The following SP6 variants were observed in gnomAD, a reference collection of about 807,000 sequenced individuals.
The protein encoded by SP6 is Sp6 transcription factor.
Under a neutral mutation model 23.4 loss-of-function variants are expected in SP6, and 10 were observed. That is an observed-to-expected ratio of 0.43 (90% CI 0.26 to 0.72). The LOEUF (loss-of-function observed/expected upper bound fraction) is 0.72. Among genes scored for constraint, SP6 ranks in the 30% least tolerant of loss-of-function variants. The probability of loss-of-function intolerance (pLI) is 0.23; values close to 1 mark genes in which losing one functional copy is unlikely to be tolerated. For missense variants in SP6, 482 were observed against 523.8 expected, an observed-to-expected ratio of 0.92 and a Z score of 0.78; for synonymous variants, 238 against 238.7, an observed-to-expected ratio of 1.00 and a Z score of 0.03.
chr17:47,865,035 G>A, the SP6 span: 2 of 152,290 alleles, frequency 1.3e-5, no homozygotes, highest in South Asian at 2.1e-4. Flanking sequence ...AGGGGAGAGG[G>A]AGAGAGGGGG....
At position 47,847,048 on chromosome 17, in the gene SP6, A is replaced by C; in HGVS notation, c.*251T>G. On this transcript the variant is annotated 3_prime_UTR_variant, in exon 2 of 2. Coordinates refer to ENST00000536300, the MANE Select transcript of SP6 (RefSeq NM_001258248.2). The stretch of plus-strand genomic sequence containing the variant: ...CAACCCCCCAGCCCAGGGGCGAGGG[A>C]AACTGTGAGGCAGGGGAGAACAGAG... 6.0e-6 allele frequency: 3 copies of C among 499,420 alleles called. No individual in the cohort carries two copies. Among genetic ancestry groups the C allele is most frequent in the Admixed American group, 3.7e-5 (1 of 26,866 alleles). 30.9% of individuals were successfully genotyped at this position (499,420 alleles called of 1,614,324 possible).
rs866649610 is a variant in SP6, at chr17:47,848,102, G to T, written c.328C>A (p.Pro110Thr). 2 of 1,613,610 alleles carry T rather than the reference G, an allele frequency of 1.2e-6. No individual in the cohort carries two copies. The highest frequency in any genetic ancestry group is 1.7e-6 in the Non-Finnish European group (2 of 1,179,980). The change falls in exon 2 of 2, where the codon CCG becomes ACG. Residue 110 changes from proline (P) to threonine (T), a missense_variant. By Grantham distance (38) the Pro-to-Thr change is conservative (BLOSUM62 -1). This residue lies in a region of SP6 where 330 missense variants were observed against 332.3 expected (regional missense o/e 0.99). Transcript: ENST00000536300. This position sits in a 1 kb window ranked among gnomAD's most constrained non-coding sequence, Gnocchi z 5.3. ...CCATCCTCCGCGCCTGGGTGAGTCG[G>T]CCTGAACCACGATTCATAATGGTGT... The part of the protein sequence containing the change: ...MSHHYESWFR[P>T]THPGAEDGSW...
the SP6 span, among the ~76,000 whole-genome samples, chr17:47,875,495 G>C: frequency 6.6e-6 from 1 of 152,142 alleles, no homozygotes; most frequent in Non-Finnish European, 1.5e-5. Flanking sequence ...CTTCACCTCA[G>C]GGAGACTCCC....
upstream of SP6, among the ~76,000 whole-genome samples, chr17:47,853,429 G>A (rs970075254): frequency 6.6e-6 from 1 of 152,190 alleles, no homozygotes; most frequent in Non-Finnish European, 1.5e-5. Flanking sequence ...CCCAGTGGGG[G>A]ACTCTGGTTC....
chr17:47,861,357 T>C, the SP6 span, among the ~76,000 whole-genome samples: 1 of 152,176 alleles, frequency 6.6e-6, no homozygotes, highest in Non-Finnish European at 1.5e-5. Flanking sequence ...ACACATTCAC[T>C]TGGTTCCAAG....
At position 47,847,274 on chromosome 17, in the gene SP6, C is replaced by T. The variant is rs1403858083; in HGVS notation, c.*25G>A. 3.4e-6 allele frequency: 5 copies of T among 1,485,042 alleles called. No homozygotes were observed. Among genetic ancestry groups the T allele is most frequent in the Non-Finnish European group, 9.0e-7 (1 of 1,115,548 alleles). The allele number at this position is 1,485,042 out of a possible 1,614,324, so 92.0% of individuals were successfully genotyped here. ...TCGCATCCAGTGCCCCCCGGGATAC[C>T]CGCAGGGAGGCGGCACTGAGGAGCT... On this transcript the variant is annotated 3_prime_UTR_variant, in exon 2 of 2. Transcript: ENST00000536300.
chr17:47,847,888 T>G lies in SP6; in HGVS notation c.542A>C (p.His181Pro). 1 of 1,557,000 alleles carries G rather than the reference T, an allele frequency of 6.4e-7. No individual in the cohort carries two copies. The highest frequency in any genetic ancestry group is 8.7e-7 in the Non-Finnish European group (1 of 1,151,260). The part of the protein sequence containing the change: ...HHLLPAAGGQ[H>P]LLGPPDGAKA... ...AGCCCCGTCGGGCGGCCCTAGGAGA[T>G]GCTGCCCTCCGGCAGCTGGAAGGAG... The change falls in exon 2 of 2, where the codon CAT becomes CCT. Residue 181 changes from histidine (H) to proline (P), a missense_variant. Transcript: ENST00000536300.
At chr17:47,854,821 C>T (rs527342648), upstream of SP6, among the ~76,000 whole-genome samples, 28 of 152,110 alleles carry the variant, frequency 1.8e-4, no homozygotes, top group Non-Finnish European at 3.4e-4. Context: ...GAGCTGGGAC[C>T]AGACCAGAGT....
chr17:47,874,456 C>G, the SP6 span, among the ~76,000 whole-genome samples: 1 of 152,040 alleles, frequency 6.6e-6, no homozygotes, highest in African/African-American at 2.4e-5. Flanking sequence ...CCTGTAATTC[C>G]AGGTATTTGG....
chr17:47,854,453 G>A (rs56363348), upstream of SP6, among the ~76,000 whole-genome samples: 5,041 of 152,260 alleles, frequency 0.033, 273 homozygotes, highest in African/African-American at 0.12. Context: ...GATCTCTCAG[G>A]TTCCAAAGCC....
chr17:47,861,982 C>T, the SP6 span, among the ~76,000 whole-genome samples: 1 of 148,514 alleles, frequency 6.7e-6, no homozygotes, highest in Admixed American at 6.7e-5. Context: ...GAGGTCAAGG[C>T]TGCAGTGAGC....
rs1468863978 is a variant in SP6, at chr17:47,847,262, C to G, written c.*37G>C. On this transcript the variant is annotated 3_prime_UTR_variant, in exon 2 of 2. Coordinates refer to ENST00000536300, the MANE Select transcript of SP6 (RefSeq NM_001258248.2). ...AGACCTGGGGGCTCGCATCCAGTGCCCCCCGGGATACCCGCAGGGAGGCGG... is the reference window on the plus strand; with the variant it reads ...AGACCTGGGGGCTCGCATCCAGTGCGCCCCGGGATACCCGCAGGGAGGCGG... The G allele has an allele frequency of 6.8e-7, 1 of 1,470,384 alleles. No homozygotes were observed. The highest frequency in any genetic ancestry group is 9.0e-7 in the Non-Finnish European group (1 of 1,109,830). The allele number at this position is 1,470,384 out of a possible 1,614,324, so 91.1% of individuals were successfully genotyped here. A position where few individuals can be genotyped will look rare whatever the true frequency, so the allele number is the denominator to read the frequency against.
chr17:47,860,137 A>C, upstream of SP6, among the ~76,000 whole-genome samples: 1 of 150,040 alleles, frequency 6.7e-6, no homozygotes, highest in Non-Finnish European at 1.5e-5. Flanking sequence ...ATCCCTTCCC[A>C]CTCCCCAGGA....
chr17:47,875,079 C>T, the SP6 span, among the ~76,000 whole-genome samples: 1 of 150,304 alleles, frequency 6.7e-6, no homozygotes, highest in African/African-American at 2.4e-5. Context: ...CCCTCTCCCA[C>T]CCGGCTTCTT....
At chr17:47,857,751 C>T (rs913127495), upstream of SP6, among the ~76,000 whole-genome samples, 9 of 152,210 alleles carry the variant, frequency 5.9e-5, no homozygotes, top group South Asian at 4.2e-4. Flanking sequence ...GGGTGCCATG[C>T]GGCCTGTAGC....
chr17:47,868,562 C>T, the SP6 span, among the ~76,000 whole-genome samples: 2 of 152,218 alleles, frequency 1.3e-5, no homozygotes, highest in African/African-American at 4.8e-5. Flanking sequence ...AGGGACAGAG[C>T]TTTCACACTC....
chr17:47,857,901 C>T (rs1264051822), upstream of SP6, among the ~76,000 whole-genome samples: 1 of 152,054 alleles, frequency 6.6e-6, no homozygotes, highest in East Asian at 1.9e-4. Context: ...CTCAGCTCCC[C>T]TACCCGCCCC....
At chr17:47,854,514 C>T (rs1180929434), upstream of SP6, among the ~76,000 whole-genome samples, 1 of 152,126 alleles carries the variant, frequency 6.6e-6, no homozygotes, top group African/African-American at 2.4e-5. Context: ...AATTGATGAC[C>T]CTGGAAGTCT....
chr17:47,863,039 C>T, the SP6 span, among the ~76,000 whole-genome samples: 25 of 152,366 alleles, frequency 1.6e-4, no homozygotes, highest in East Asian at 4.8e-3. Flanking sequence ...CGCCAAGCAG[C>T]GGTGCCAGGT....
Sources: allele counts gnomAD v4.1 joint callset (sites outside exome capture counted in the v4.1 genomes callset), GRCh38; gene constraint gnomAD v4.1.1; regional missense constraint gnomAD v4.1.1; non-coding constraint Gnocchi (gnomAD v3.1); transcripts MANE v1.5; gene names NCBI Gene and HGNC (gene_info 2026-07-23, HGNC 2026-07-21).